ZNF365: variants seen among roughly 807,000 people sequenced by gnomAD.
ZNF365 encodes protein ZNF365.
ZNF365 carries 22 observed loss-of-function variants against 35.0 expected under a neutral mutation model. The ratio of observed to expected loss-of-function variants is 0.63; its 90% CI spans 0.45 to 0.90. The LOEUF (loss-of-function observed/expected upper bound fraction) is 0.90, where lower values mean the gene tolerates loss of function less well. Ranked by LOEUF, ZNF365 falls within the 40% of genes least tolerant of loss-of-function variation. The pLI is 0.00. For synonymous variants in ZNF365, 188 were observed against 196.2 expected (o/e 0.96, Z 0.35); for missense variants, 448 against 500.3 (o/e 0.90, Z 1.00).
intron 3 of ZNF365, among the ~76,000 whole-genome samples, chr10:62,391,488 A>G (rs986321532): frequency 3.9e-5 from 6 of 152,200 alleles, no homozygotes; most frequent in Non-Finnish European, 8.8e-5. Context: ...GAGTGAGAAC[A>G]TACAATGTTT....
intron 3 of ZNF365, among the ~76,000 whole-genome samples, chr10:62,437,493 G>C (rs1189223266): frequency 1.3e-5 from 2 of 152,138 alleles, no homozygotes. Flanking sequence ...TTCTTTCTCA[G>C]GAAGGGATTT....
chr10:62,459,494 G>T (rs1038141136), intron 3 of ZNF365, among the ~76,000 whole-genome samples: 4 of 152,190 alleles, frequency 2.6e-5, no homozygotes, highest in African/African-American at 9.7e-5. Context: ...AATATTTAGG[G>T]AAATGAAGAG....
At chr10:62,406,267 T>G (rs1184469811), downstream of ZNF365, among the ~76,000 whole-genome samples, 1 of 152,142 alleles carries the variant, frequency 6.6e-6, no homozygotes, top group Non-Finnish European at 1.5e-5. Flanking sequence ...TTCTCTTTCT[T>G]TTTCATCTAG....
Position 62,377,895 on chromosome 10 carries a change from C to A in ZNF365, c.743+959C>A, listed in dbSNP as rs575322544. On this transcript the variant is annotated intron_variant, in intron 2 of 4. Coordinates refer to ENST00000395254, the MANE Select transcript of ZNF365 (RefSeq NM_014951.3). ...ATTATAGAGATTGATTTAATTTCAT[C>A]TTTTCTTTGCCCTCTGGCACTCTTC... Among the ~76,000 whole-genome samples the A allele has an allele frequency of 2.6e-5, 4 of 152,296 alleles. No homozygotes were observed. The East Asian group carries it at 7.7e-4, about 29-fold the overall frequency.
downstream of ZNF365, among the ~76,000 whole-genome samples, chr10:62,406,887 C>G (rs1453952097): frequency 2.0e-5 from 3 of 152,186 alleles, no homozygotes; most frequent in Non-Finnish European, 4.4e-5. Flanking sequence ...CCCTGATGCT[C>G]CAGCACCTAG....
Position 62,448,863 on chromosome 10 carries a change from T to C in ZNF365, c.925-10878T>C, listed in dbSNP as rs141716848. On this transcript the variant is annotated intron_variant, in intron 3 of 4. Transcript: ENST00000395255. ...AAGCAAAAGCAAAAAAAGAATAACC[T>C]CAATATTAAAAGTATAGTTATTAAT... is the stretch of plus-strand genomic sequence containing the variant. 5.4e-3 allele frequency among the ~76,000 whole-genome samples: 786 copies of C among 146,534 alleles called. 5 individuals carry two copies. Among genetic ancestry groups the C allele is most frequent in the African/African-American group, 0.021 (751 of 36,540 alleles).
chr10:62,398,841 A>C (rs1428438973), intron 4 of ZNF365, 64 bp downstream of exon 4: 1 of 1,456,302 alleles, frequency 6.9e-7, no homozygotes, highest in Non-Finnish European at 9.4e-7. Flanking sequence ...TTCCTGTTGC[A>C]TTTTATATGA....
At chr10:62,469,718 G>A (rs901806974) in intron 4 of ZNF365, among the ~76,000 whole-genome samples, 3 of 152,026 alleles carry the variant, frequency 2.0e-5, no homozygotes, top group East Asian at 3.9e-4. Flanking sequence ...ATTACTGTGT[G>A]CCAGGAACTA....
chr10:62,444,687 G>C (rs1200589342), intron 3 of ZNF365, among the ~76,000 whole-genome samples: 1 of 152,110 alleles, frequency 6.6e-6, no homozygotes, highest in Non-Finnish European at 1.5e-5. Flanking sequence ...ATCTCTTCTT[G>C]TAAGTCATGT....
chr10:62,429,107 A>C (rs1254309321), intron 3 of ZNF365, among the ~76,000 whole-genome samples: 1 of 152,148 alleles, frequency 6.6e-6, no homozygotes, highest in African/African-American at 2.4e-5. Context: ...ATGTGTGCCA[A>C]CGTTAGTTCT....
chr10:62,467,536 G>A (rs1840964047), intron 4 of ZNF365, among the ~76,000 whole-genome samples: 1 of 152,186 alleles, frequency 6.6e-6, no homozygotes, highest in Non-Finnish European at 1.5e-5. Flanking sequence ...ATTCATCTGA[G>A]CACATTGAAT....
At chr10:62,419,010 A>G (rs954257249) in intron 3 of ZNF365, among the ~76,000 whole-genome samples, 1 of 120,536 alleles carries the variant, frequency 8.3e-6, no homozygotes, top group South Asian at 3.2e-4. Flanking sequence ...TCTGAAGAAC[A>G]TTATAAATAT....
exon 5 of ZNF365, chr10:62,480,116 G>T: frequency 7.5e-7 from 1 of 1,334,244 alleles, no homozygotes; most frequent in Non-Finnish European, 9.7e-7. Context: ...CAAGACTGCA[G>T]ACTTCCTGAG....
intron 4 of ZNF365, among the ~76,000 whole-genome samples, chr10:62,464,931 AC>A (rs532120434): frequency 2.5e-3 from 377 of 152,350 alleles, no homozygotes; most frequent in Non-Finnish European, 2.8e-3. Flanking sequence ...ACTCTGCAGC[AC>A]CAGCAGGGGC....
At chr10:62,382,155 C>T (rs3824731) in intron 2 of ZNF365, among the ~76,000 whole-genome samples, 3 of 151,948 alleles carry the variant, frequency 2.0e-5, no homozygotes, top group Non-Finnish European at 4.4e-5. Flanking sequence ...CTTTAAAAGG[C>T]AAATCTGATT....
chr10:62,436,375 G>A (rs2132460799), intron 3 of ZNF365, among the ~76,000 whole-genome samples: 1 of 148,944 alleles, frequency 6.7e-6, no homozygotes, highest in Admixed American at 6.8e-5. Context: ...TTAAAAGAGG[G>A]TACAGGGAAT....
intron 3 of ZNF365, among the ~76,000 whole-genome samples, chr10:62,458,116 C>A (rs1431555913): frequency 1.3e-5 from 2 of 152,144 alleles, no homozygotes; most frequent in African/African-American, 4.8e-5. Flanking sequence ...ACGGTGCAAC[C>A]ATTCTCTGGT....
At position 62,400,295 on chromosome 10, in the gene ZNF365, A is replaced by T. The variant is rs1446021981; in HGVS notation, c.*506A>T. ...TAATTTGAAAGCCTCCAAAATAAGG[A>T]TTCCCATTCCCCGAGTATTCTGGTT... On this transcript the variant is annotated 3_prime_UTR_variant, in exon 5 of 5. Transcript: ENST00000395254. 4 of 986,608 alleles carry T rather than the reference A, an allele frequency of 4.1e-6. No homozygotes were observed. In the African/African-American group the frequency reaches 7.0e-5, roughly 17 times the overall value. The allele number at this position is 986,608 out of a possible 1,614,324, so 61.1% of individuals were successfully genotyped here. A position where few individuals can be genotyped will look rare whatever the true frequency, so the allele number is the denominator to read the frequency against.
At chr10:62,444,487 G>T (rs1840552091) in intron 3 of ZNF365, among the ~76,000 whole-genome samples, 1 of 152,016 alleles carries the variant, frequency 6.6e-6, no homozygotes, top group Admixed American at 6.6e-5. Context: ...TTGGCCCTGG[G>T]CCCCAGGGCT....
Sources: gnomAD v4.1 joint callset for allele counts (sites outside exome capture counted in the v4.1 genomes callset) on GRCh38, gnomAD v4.1.1 for gene constraint, MANE v1.5 for transcripts, NCBI Gene and HGNC (gene_info 2026-07-23, HGNC 2026-07-21) for gene names.